Variants in DPP3 observed in about 807,000 individuals in gnomAD.
DPP3 encodes the protein dipeptidyl peptidase 3.
A neutral mutation model predicts 89.8 loss-of-function variants in DPP3; 64 were observed. The ratio of observed to expected loss-of-function variants is 0.71; its 90% CI spans 0.58 to 0.88. The LOEUF (loss-of-function observed/expected upper bound fraction) is 0.88. Ranked by LOEUF, DPP3 falls within the 40% of genes least tolerant of loss-of-function variation. DPP3 has a pLI of 0.00. For synonymous variants in DPP3, 377 were observed against 404.3 expected (o/e 0.93, Z 0.81); for missense variants, 835 against 972.5 (o/e 0.86, Z 1.88).
chr11:66,491,541 A>G lies in DPP3; in HGVS notation c.846A>G (p.Ile282Met), dbSNP rs201933676. The change falls in exon 8 of 18, where the codon ATA (isoleucine) becomes ATG (methionine). Residue 282 changes from isoleucine to methionine, a missense_variant. Ile to Met is a conservative substitution (Grantham distance 10). Coordinates refer to ENST00000531863, the MANE Select transcript of DPP3 (RefSeq NM_130443.4). ...SHQGQMLAQY[I>M]ESFTQGSIEA... ...AGGGGCAGATGCTGGCCCAGTATAT[A>G]GAGAGCTTCACCCAGGGCTCCATCG... is the stretch of plus-strand genomic sequence containing the variant. The G allele has an allele frequency of 3.7e-5, 60 of 1,613,646 alleles. No individual in the cohort carries two copies. In the East Asian group the frequency reaches 1.3e-3, roughly 34 times the overall value.
At position 66,486,628 on chromosome 11, in the gene DPP3, T is replaced by C; in HGVS notation, c.449T>C (p.Leu150Pro). 6.3e-7 allele frequency: 1 copy of C among 1,580,420 alleles called. No homozygotes were observed. The highest frequency in any genetic ancestry group is 8.6e-7 in the Non-Finnish European group (1 of 1,162,492). ...VRGLWQTCGE[L>P]MFSLEPRLRH... ...GGCCTCTGGCAGACCTGCGGGGAGC[T>C]TATGTTCTCTCTGGAGCCAAGGCTT... Residue 150 changes from leucine to proline, a missense_variant, in exon 4 of 18, where the codon CTT becomes CCT. Transcript: ENST00000531863.
chr11:66,487,648 G>T (rs141061733), intron 5 of DPP3, among the ~76,000 whole-genome samples: 160 of 152,296 alleles, frequency 1.1e-3, no homozygotes, highest in African/African-American at 3.8e-3. Context: ...ACCTCCAGTA[G>T]CCCTGGGTTC....
intron 12 of DPP3, 124 bp from the exon 13 acceptor site, chr11:66,495,082 T>C (rs1590740278): frequency 1.4e-6 from 2 of 1,388,454 alleles, no homozygotes; most frequent in Admixed American, 1.7e-5. Context: ...GACCTGCTGC[T>C]CCCGCCGCCC....
At chr11:66,491,115 C>CT (rs1855371676) in intron 6 of DPP3, 138 bp from the exon 7 acceptor site, 11 of 1,328,496 alleles carry the variant, frequency 8.3e-6, no homozygotes, top group Non-Finnish European at 1.2e-5. Context: ...TGTCTGTTGG[C>CT]TACAGGGAGC....
chr11:66,485,129 G>A (rs200786000), intron 2 of DPP3, 44 bp from the exon 3 acceptor site: 24 of 1,583,414 alleles, frequency 1.5e-5, no homozygotes, highest in Non-Finnish European at 2.1e-5. Flanking sequence ...CTGGGGTCAG[G>A]GAGGCTGTGC....
chr11:66,490,611 C>T (rs1264812367), intron 6 of DPP3, among the ~76,000 whole-genome samples: 2 of 152,072 alleles, frequency 1.3e-5, no homozygotes, highest in East Asian at 1.9e-4. Flanking sequence ...CTTAAGCTCT[C>T]GGTGCCTTAG....
rs776476798 is a variant in DPP3 at position 66,485,285 on chromosome 11, A to C, written c.360+23A>C. ...AAGGTGAGCCAAGGGAGGGTTGGGG[A>C]AGGTGGGGATGGGGGGCTGGTGGGG... On this transcript the variant is annotated intron_variant, in intron 3 of 17. Coordinates refer to ENST00000531863, the MANE Select transcript of DPP3 (RefSeq NM_130443.4). The C allele has an allele frequency of 2.5e-6, 4 of 1,610,930 alleles. No individual in the cohort carries two copies. In the Admixed American group the frequency reaches 6.7e-5, roughly 27 times the overall value.
At chr11:66,496,893 G>T (rs1317660590) in intron 15 of DPP3, among the ~76,000 whole-genome samples, 1 of 152,160 alleles carries the variant, frequency 6.6e-6, no homozygotes, top group Non-Finnish European at 1.5e-5. Flanking sequence ...TGGGGATAAT[G>T]ATGCCTACTT....
intron 5 of DPP3, among the ~76,000 whole-genome samples, chr11:66,487,664 G>A (rs1483960315): frequency 6.6e-6 from 1 of 152,172 alleles, no homozygotes; most frequent in Admixed American, 6.5e-5. Context: ...GGTTCGCAGA[G>A]GCCGTGCAGT....
At chr11:66,503,549 C>T (rs1384272341) in intron 16 of DPP3, among the ~76,000 whole-genome samples, 1 of 152,144 alleles carries the variant, frequency 6.6e-6, no homozygotes, top group African/African-American at 2.4e-5. Flanking sequence ...CTGTCTTGTG[C>T]TGTTGTAACA....
At chr11:66,506,721 T>A (rs945517515) in intron 17 of DPP3, among the ~76,000 whole-genome samples, 2 of 152,146 alleles carry the variant, frequency 1.3e-5, no homozygotes, top group African/African-American at 4.8e-5. Context: ...CTGGGTCCAC[T>A]CCTACAGCCT....
chr11:66,501,794 C>A, intron 16 of DPP3, among the ~76,000 whole-genome samples: 1 of 135,994 alleles, frequency 7.4e-6, no homozygotes, highest in African/African-American at 2.7e-5. Flanking sequence ...CACTGCACAC[C>A]AGCCTGGGTA....
chr11:66,495,232 C>T lies in DPP3; in HGVS notation c.1416C>T (p.Asp472=). The change falls in exon 13 of 18, where the codon GAC becomes GAT. Residue 472 remains aspartate, a synonymous_variant. Transcript: ENST00000531863. ...VQDEKGAFNF[D]QETVINPETG... is the part of the protein sequence containing the mutation. ...ACGAAAAAGGAGCATTCAACTTTGACCAGGAAACAGTGATCAACCCAGAGA... is the reference window on the plus strand; with the variant it reads ...ACGAAAAAGGAGCATTCAACTTTGATCAGGAAACAGTGATCAACCCAGAGA... 6.2e-7 allele frequency: 1 copy of T among 1,612,626 alleles called. No homozygotes were observed. The highest frequency in any genetic ancestry group is 8.5e-7 in the Non-Finnish European group (1 of 1,180,028).
chr11:66,491,896 G>A (rs1475904603), intron 9 of DPP3, 140 bp downstream of exon 9: 10 of 932,628 alleles, frequency 1.1e-5, no homozygotes, highest in Non-Finnish European at 1.5e-5. Context: ...AATAAACACC[G>A]TTTACAATGT....
At chr11:66,495,533 G>T (rs778477038) in intron 14 of DPP3, 44 bp downstream of exon 14, 1 of 1,610,560 alleles carries the variant, frequency 6.2e-7, no homozygotes, top group Non-Finnish European at 8.5e-7. Flanking sequence ...CGCTGCAGTG[G>T]CCAGCCCTGG....
At chr11:66,492,952 C>CT in intron 10 of DPP3, 42 bp downstream of exon 10, 1 of 1,597,098 alleles carries the variant, frequency 6.3e-7, no homozygotes, top group Non-Finnish European at 8.5e-7. Context: ...AGAAACCTTC[C>CT]TTTAGAGTCG....
intron 16 of DPP3, among the ~76,000 whole-genome samples, chr11:66,502,087 G>A (rs1267320031): frequency 6.6e-6 from 1 of 151,936 alleles, no homozygotes; most frequent in Non-Finnish European, 1.5e-5. Context: ...CAGCTACTCA[G>A]GAGGCTGAGG....
chr11:66,490,771 TG>T (rs150384071), intron 6 of DPP3, among the ~76,000 whole-genome samples: 24 of 140,962 alleles, frequency 1.7e-4, no homozygotes, highest in African/African-American at 4.1e-4. Context: ...TTTTTTGTTT[TG>T]TTTTTTTTTT....
rs113216220 is a variant in DPP3, at chr11:66,486,686, C to G, written c.498+9C>G. ...TCGGACTGGGGAAGGAGGTGAGGCC[C>G]CTGACTCCCCCGAGGGGACAGGGAG... On this transcript the variant is annotated intron_variant, in intron 4 of 17. Coordinates refer to ENST00000531863, the MANE Select transcript of DPP3 (RefSeq NM_130443.4). The G allele has an allele frequency of 1.7e-3, 2,545 of 1,497,534 alleles. 41 individuals carry two copies. In the African/African-American group the frequency reaches 0.032, roughly 19 times the overall value. The allele number at this position is 1,497,534 out of a possible 1,614,324, so 92.8% of individuals were successfully genotyped here.
Sources: gnomAD v4.1 joint callset for allele counts (sites outside exome capture counted in the v4.1 genomes callset) on GRCh38, gnomAD v4.1.1 for gene constraint, MANE v1.5 for transcripts, NCBI Gene and HGNC (gene_info 2026-07-23, HGNC 2026-07-21) for gene names.